Variants in USH2A observed in about 807,000 individuals in gnomAD.
USH2A encodes the protein usherin.
A neutral mutation model predicts 538.9 loss-of-function variants in USH2A; 443 were observed. The ratio of observed to expected loss-of-function variants is 0.82; its 90% CI spans 0.76 to 0.89. The LOEUF (loss-of-function observed/expected upper bound fraction) is 0.89, where lower values mean the gene tolerates loss of function less well. USH2A is among the 40% of genes least tolerant of loss of function. The pLI is 0.00. For missense variants in USH2A, 6,633 were observed against 6,324.8 expected (o/e 1.05, Z -1.65); for synonymous variants, 2,413 against 2,273.5 (o/e 1.06, Z -1.75).
chr1:216,152,033 ACC>A (rs1190006399), intron 21 of USH2A, among the ~76,000 whole-genome samples: 1 of 151,458 alleles, frequency 6.6e-6, no homozygotes, highest in Non-Finnish European at 1.5e-5. Flanking sequence ...TTACCACAAG[ACC>A]TCCCTTCAGC....
At chr1:216,262,289 T>G (rs1387811998) in intron 11 of USH2A, among the ~76,000 whole-genome samples, 2 of 151,702 alleles carry the variant, frequency 1.3e-5, no homozygotes, top group Non-Finnish European at 2.9e-5. Context: ...CTCAGCAAGA[T>G]AGAAGAAAAT....
intron 10 of USH2A, 95 bp from the exon 11 acceptor site, chr1:216,289,505 T>C: frequency 1.9e-6 from 3 of 1,573,524 alleles, no homozygotes; most frequent in African/African-American, 1.3e-5. Context: ...GAGGGAATTC[T>C]ATAATTTTCG....
chr1:216,268,209 G>T (rs1261993992), intron 11 of USH2A, among the ~76,000 whole-genome samples: 1 of 151,998 alleles, frequency 6.6e-6, no homozygotes, highest in African/African-American at 2.4e-5. Flanking sequence ...CCTGTCACCT[G>T]AGACAGGAGT....
At chr1:215,685,663 A>G (rs1218226531) in intron 61 of USH2A, among the ~76,000 whole-genome samples, 1 of 150,398 alleles carries the variant, frequency 6.6e-6, no homozygotes, top group Non-Finnish European at 1.5e-5. Context: ...TGGCCATCAA[A>G]TCAGTCTTGA....
intron 55 of USH2A, among the ~76,000 whole-genome samples, chr1:215,768,581 G>A (rs1052891538): frequency 2.0e-5 from 3 of 152,180 alleles, no homozygotes; most frequent in Non-Finnish European, 4.4e-5. Context: ...ATTTACAGAT[G>A]AAGAATATGA....
intron 22 of USH2A, among the ~76,000 whole-genome samples, chr1:216,091,332 A>C (rs1482129817): frequency 6.6e-6 from 1 of 152,238 alleles, no homozygotes; most frequent in African/African-American, 2.4e-5. Context: ...TGAACATAGA[A>C]TATTTAAGGG....
At chr1:215,816,162 A>T (rs552133405) in intron 48 of USH2A, among the ~76,000 whole-genome samples, 1 of 152,142 alleles carries the variant, frequency 6.6e-6, no homozygotes, top group South Asian at 2.1e-4. Flanking sequence ...ATTTTATACA[A>T]ATATGTTCAT....
At chr1:215,665,534 T>C (rs1162941421) in intron 64 of USH2A, among the ~76,000 whole-genome samples, 4 of 152,176 alleles carry the variant, frequency 2.6e-5, no homozygotes, top group African/African-American at 9.7e-5. Flanking sequence ...AGTATGAATA[T>C]GAATGCACAA....
chr1:215,685,731 T>C (rs1223760426), intron 61 of USH2A, among the ~76,000 whole-genome samples: 2 of 152,060 alleles, frequency 1.3e-5, no homozygotes, highest in African/African-American at 2.4e-5. Flanking sequence ...CAAACTTGAA[T>C]ACTTATCCAT....
At chr1:216,090,361 A>C (rs769133716) in intron 22 of USH2A, among the ~76,000 whole-genome samples, 1 of 150,730 alleles carries the variant, frequency 6.6e-6, no homozygotes, top group East Asian at 1.9e-4. Flanking sequence ...TACACATTTA[A>C]TTGGTTCCTG....
chr1:215,769,100 A>T (rs1661211940), intron 55 of USH2A, among the ~76,000 whole-genome samples: 1 of 152,222 alleles, frequency 6.6e-6, no homozygotes, highest in African/African-American at 2.4e-5. Context: ...GATATTTTTT[A>T]GTTGCAGAAT....
chr1:216,049,366 A>C lies in USH2A; in HGVS notation c.6050-719T>G, dbSNP rs572338405. Among the ~76,000 whole-genome samples, 12 of 152,332 alleles carry C rather than the reference A, an allele frequency of 7.9e-5. No homozygotes were observed. In the South Asian group the frequency reaches 2.5e-3, roughly 32 times the overall value. On this transcript the variant is annotated intron_variant, in intron 30 of 71. Transcript: ENST00000307340. Reference sequence around the variant, plus strand: ...ATATATGAGATTTGTTCAGCAATTAAAAGTATGTGTAGAAATGAAAACACA... The same window carrying C: ...ATATATGAGATTTGTTCAGCAATTACAAGTATGTGTAGAAATGAAAACACA...
intron 52 of USH2A, among the ~76,000 whole-genome samples, chr1:215,785,064 T>G (rs1298290512): frequency 6.6e-6 from 1 of 152,206 alleles, no homozygotes; most frequent in Non-Finnish European, 1.5e-5. Flanking sequence ...CTAATTAAAT[T>G]CATTCCAAGA....
intron 21 of USH2A, among the ~76,000 whole-genome samples, chr1:216,138,137 T>G (rs578131019): frequency 6.6e-6 from 1 of 152,320 alleles, no homozygotes; most frequent in African/African-American, 2.4e-5. Context: ...ATGTAAAAAT[T>G]AATCTCATGT....
intron 11 of USH2A, among the ~76,000 whole-genome samples, chr1:216,284,936 A>G (rs1462700357): frequency 1.3e-5 from 2 of 152,180 alleles, no homozygotes; most frequent in African/African-American, 4.8e-5. Context: ...AGATCTGCAG[A>G]GCTTTGAACT....
At chr1:216,140,611 T>A (rs539133146) in intron 21 of USH2A, among the ~76,000 whole-genome samples, 121 of 152,302 alleles carry the variant, frequency 7.9e-4, no homozygotes, top group South Asian at 2.5e-3. Flanking sequence ...TGTCTCTAAG[T>A]AAGTGAACAT....
intron 3 of USH2A, among the ~76,000 whole-genome samples, chr1:216,379,225 C>T (rs1226867077): frequency 2.0e-5 from 3 of 152,170 alleles, no homozygotes; most frequent in Admixed American, 6.5e-5. Flanking sequence ...AGGCTGTAAG[C>T]TCTATGCGTG....
At chr1:215,658,077 G>T (rs1354178239) in intron 64 of USH2A, among the ~76,000 whole-genome samples, 2 of 151,766 alleles carry the variant, frequency 1.3e-5, no homozygotes, top group Admixed American at 6.6e-5. Flanking sequence ...TGGGACTACA[G>T]GCGCACGCCA....
chr1:215,664,815 C>A (rs981668688), intron 64 of USH2A, among the ~76,000 whole-genome samples: 27 of 152,116 alleles, frequency 1.8e-4, no homozygotes, highest in African/African-American at 6.3e-4. Flanking sequence ...TATCTGTAAG[C>A]CAGAAGGTGG....
Sources: allele counts gnomAD v4.1 joint callset (sites outside exome capture counted in the v4.1 genomes callset), GRCh38; gene constraint gnomAD v4.1.1; transcripts MANE v1.5; gene names NCBI Gene and HGNC (gene_info 2026-07-23, HGNC 2026-07-21).